TNKS: variants seen among roughly 807,000 people sequenced by gnomAD.
The protein encoded by TNKS is poly [ADP-ribose] polymerase tankyrase-1.
In TNKS, 72 loss-of-function variants were observed where a neutral mutation model predicts 135.8. The observed-to-expected ratio is 0.53, with a 90% confidence interval of 0.44 to 0.64. The LOEUF (loss-of-function observed/expected upper bound fraction) is 0.64. Among genes scored for constraint, TNKS ranks in the 30% least tolerant of loss-of-function variants. TNKS has a pLI of 0.00. For missense variants in TNKS, 1,769 were observed against 1,674.0 expected (o/e 1.06, Z -0.99); for synonymous variants, 849 against 649.3 (o/e 1.31, Z -4.68).
At chr8:9,728,107 A>G (rs1191886584) in intron 13 of TNKS, among the ~76,000 whole-genome samples, 1 of 152,194 alleles carries the variant, frequency 6.6e-6, no homozygotes, top group Non-Finnish European at 1.5e-5. Flanking sequence ...TGTGTTTTGT[A>G]TATGATAAGC....
Position 9,752,436 on chromosome 8 carries a change from A to C in TNKS, c.3071-108A>C, listed in dbSNP as rs564384544. The C allele has an allele frequency of 4.1e-6, 3 of 737,198 alleles. No homozygotes were observed. In the East Asian group the frequency reaches 7.7e-5, roughly 19 times the overall value. The allele number at this position is 737,198 out of a possible 1,614,324, so 45.7% of individuals were successfully genotyped here. ...ATTCTGTATTATTTTATGCCATGGAAAATCATCTGACAGCCAAGGTTGTCA... is the reference window on the plus strand; with the variant it reads ...ATTCTGTATTATTTTATGCCATGGACAATCATCTGACAGCCAAGGTTGTCA... On this transcript the variant is annotated intron_variant, in intron 19 of 26. Transcript: ENST00000310430.
chr8:9,767,744 C>T (rs1195576958), intron 25 of TNKS, among the ~76,000 whole-genome samples: 4 of 151,808 alleles, frequency 2.6e-5, no homozygotes, highest in South Asian at 2.1e-4. Context: ...CAGATCATGC[C>T]GTCAGGAGAT....
chr8:9,614,915 A>G (rs530590229), intron 2 of TNKS, among the ~76,000 whole-genome samples: 2 of 152,268 alleles, frequency 1.3e-5, no homozygotes, highest in East Asian at 3.9e-4. Flanking sequence ...TTTTTACCCA[A>G]TATGGCAGGC....
At chr8:9,623,865 G>A (rs1239001612) in intron 3 of TNKS, among the ~76,000 whole-genome samples, 1 of 152,058 alleles carries the variant, frequency 6.6e-6, no homozygotes, top group African/African-American at 2.4e-5. Flanking sequence ...AGCTGGGCGT[G>A]GTGGTGGGCG....
In TNKS at chr8:9,753,813, G is replaced by T. The variant is rs147372436; in HGVS notation, c.3153+1187G>T. Among the ~76,000 whole-genome samples the T allele has an allele frequency of 5.3e-4, 80 of 152,298 alleles. 1 individual carries two copies. In the East Asian group the frequency reaches 0.011, roughly 20 times the overall value. On this transcript the variant is annotated intron_variant, in intron 20 of 26. Coordinates refer to ENST00000310430, the MANE Select transcript of TNKS (RefSeq NM_003747.3). ...ACTTAAAGTGTGCCAAAATCTGCCCGTAGGTATAATTCCTTTGTTTTCAGC... is the reference window on the plus strand; with the variant it reads ...ACTTAAAGTGTGCCAAAATCTGCCCTTAGGTATAATTCCTTTGTTTTCAGC...
chr8:9,767,586 T>G (rs1268878788), intron 25 of TNKS, among the ~76,000 whole-genome samples: 3 of 152,192 alleles, frequency 2.0e-5, no homozygotes, highest in Non-Finnish European at 2.9e-5. Flanking sequence ...ACAAAATTAT[T>G]GCCATCAGCC....
rs768279154 is a variant in TNKS, at chr8:9,707,002, G to A, written c.1456+5G>A. 4 of 1,560,338 alleles carry A rather than the reference G, an allele frequency of 2.6e-6. No homozygotes were observed. The African/African-American group carries it at 4.2e-5, about 16-fold the overall frequency. On this transcript the variant is annotated splice_donor_5th_base_variant and intron_variant, in intron 8 of 26. Transcript: ENST00000310430. ...AGCTTAGGGAGAGATTGACTTGTAC[G>A]TATTTATATCCCGAAATCATTATCG...
At chr8:9,658,948 A>T (rs1801561718) in intron 3 of TNKS, among the ~76,000 whole-genome samples, 1 of 152,222 alleles carries the variant, frequency 6.6e-6, no homozygotes, top group African/African-American at 2.4e-5. Context: ...GTCTTGGATA[A>T]AACAGACTTT....
At chr8:9,706,436 T>C (rs1364774790) in intron 7 of TNKS, among the ~76,000 whole-genome samples, 183 bp downstream of exon 7, 2 of 152,170 alleles carry the variant, frequency 1.3e-5, no homozygotes, top group African/African-American at 4.8e-5. Flanking sequence ...CATTCACAGC[T>C]CACTGCAGCC....
intron 2 of TNKS, among the ~76,000 whole-genome samples, chr8:9,614,330 G>T (rs1346420353): frequency 6.6e-6 from 1 of 152,170 alleles, no homozygotes; most frequent in Admixed American, 6.5e-5. Context: ...GAAAGGCTTT[G>T]TAAGATCTCA....
chr8:9,731,658 C>G lies in TNKS; in HGVS notation c.2147+623C>G, dbSNP rs116961628. Reference sequence around the variant, plus strand: ...TTTTAACACAAATGGTGGTGCCTTCCTATATGGTCTGCTTTGCAGTTTACT... The same window carrying G: ...TTTTAACACAAATGGTGGTGCCTTCGTATATGGTCTGCTTTGCAGTTTACT... On this transcript the variant is annotated intron_variant, in intron 14 of 26. Coordinates refer to ENST00000310430, the MANE Select transcript of TNKS (RefSeq NM_003747.3). Among the ~76,000 whole-genome samples the G allele has an allele frequency of 2.5e-3, 378 of 152,128 alleles. 4 individuals are homozygous for G. The East Asian group carries it at 0.028, about 11-fold the overall frequency.
At chr8:9,759,164 T>C (rs565397967) in intron 20 of TNKS, among the ~76,000 whole-genome samples, 1 of 152,292 alleles carries the variant, frequency 6.6e-6, no homozygotes, top group African/African-American at 2.4e-5. Flanking sequence ...CAGCCTGCAC[T>C]CCAGGGGAGG....
chr8:9,670,894 C>G (rs1802242421), intron 3 of TNKS: 2 of 152,230 alleles, frequency 1.3e-5, no homozygotes, highest in East Asian at 1.9e-4. Flanking sequence ...ACCATCATTT[C>G]TAAATATATA....
In TNKS at chr8:9,706,900, G is replaced by C; in HGVS notation, c.1359G>C (p.Leu453Phe). Residue 453 changes from leucine to phenylalanine, a missense_variant, in exon 8 of 27, where the codon TTG becomes TTC. Coordinates refer to ENST00000310430, the MANE Select transcript of TNKS (RefSeq NM_003747.3). ...ASKNRVEVCS[L>F]LLSHGADPTL... Reference sequence around the variant, plus strand: ...AGAACCGTGTAGAAGTCTGCTCTTTGTTACTTAGCCATGGCGCTGATCCTA... The same window carrying C: ...AGAACCGTGTAGAAGTCTGCTCTTTCTTACTTAGCCATGGCGCTGATCCTA... 6.2e-7 allele frequency: 1 copy of C among 1,614,092 alleles called. No individual in the cohort carries two copies.
chr8:9,694,777 A>AG (rs1491035597), intron 5 of TNKS, among the ~76,000 whole-genome samples: 1 of 145,596 alleles, frequency 6.9e-6, no homozygotes, highest in East Asian at 2.0e-4. Context: ...AAAAAAAAAA[A>AG]AGATATTGTC....
intron 2 of TNKS, among the ~76,000 whole-genome samples, chr8:9,592,844 C>T (rs1048878875): frequency 2.6e-5 from 4 of 152,074 alleles, no homozygotes; most frequent in Admixed American, 1.3e-4. Flanking sequence ...TATTTTAAAG[C>T]AATGTGAACT....
At chr8:9,743,706 A>T (rs1158459488) in intron 17 of TNKS, 2 of 153,396 alleles carry the variant, frequency 1.3e-5, no homozygotes, top group African/African-American at 4.8e-5. Flanking sequence ...TAGGCAACAT[A>T]GCGAGACCCC....
In TNKS at chr8:9,752,013, G is replaced by A. The variant is rs192047210; in HGVS notation, c.3070+167G>A. ...ATATTTCTTCATAGAAGGCTGCCAC[G>A]TTTCTTGGCATTGTCGTTGTTCTTA... On this transcript the variant is annotated intron_variant, in intron 19 of 26. Coordinates refer to ENST00000310430, the MANE Select transcript of TNKS (RefSeq NM_003747.3). 1.6e-3 allele frequency among the ~76,000 whole-genome samples: 250 copies of A among 152,204 alleles called. 1 individual carries two copies. The highest frequency in any genetic ancestry group is 3.4e-3 in the African/African-American group (140 of 41,540).
intron 3 of TNKS, among the ~76,000 whole-genome samples, chr8:9,619,006 G>T (rs1002284208): frequency 2.6e-5 from 4 of 152,106 alleles, no homozygotes; most frequent in Non-Finnish European, 4.4e-5. Context: ...GTATATTTTG[G>T]TTTTTTGAGC....
Sources: allele counts gnomAD v4.1 joint callset (sites outside exome capture counted in the v4.1 genomes callset), GRCh38; gene constraint gnomAD v4.1.1; transcripts MANE v1.5; gene names NCBI Gene and HGNC (gene_info 2026-07-23, HGNC 2026-07-21).